Variants in SORL1 observed in about 807,000 individuals in gnomAD.
The protein encoded by SORL1 is sortilin related receptor 1.
A neutral mutation model predicts 273.7 loss-of-function variants in SORL1; 127 were observed. The ratio of observed to expected loss-of-function variants is 0.46; its 90% CI spans 0.40 to 0.54. The LOEUF (loss-of-function observed/expected upper bound fraction) is 0.54. SORL1 is among the 20% of genes least tolerant of loss of function. The probability of loss-of-function intolerance (pLI) is 0.00; values close to 1 mark genes in which losing one functional copy is unlikely to be tolerated. For missense variants in SORL1, 2,494 were observed against 2,846.1 expected, an observed-to-expected ratio of 0.88 and a Z score of 2.81; for synonymous variants, 1,031 against 1,067.4, an observed-to-expected ratio of 0.97 and a Z score of 0.66.
chr11:121,597,679 C>T (rs1333544163), intron 32 of SORL1, among the ~76,000 whole-genome samples: 3 of 152,126 alleles, frequency 2.0e-5, no homozygotes, highest in South Asian at 2.1e-4. Context: ...AGGCTGGTCT[C>T]GAACTCCTGA....
intron 6 of SORL1, among the ~76,000 whole-genome samples, chr11:121,507,977 C>G (rs1055658540): frequency 2.0e-5 from 3 of 152,096 alleles, no homozygotes; most frequent in Non-Finnish European, 4.4e-5. Flanking sequence ...TATTGTTGTT[C>G]AGGGAGTTTC....
chr11:121,507,507 A>G (rs146372733), intron 6 of SORL1, among the ~76,000 whole-genome samples: 2 of 152,090 alleles, frequency 1.3e-5, no homozygotes, highest in African/African-American at 4.8e-5. Context: ...ACATGTCTTA[A>G]AGTTCACTGC....
intron 8 of SORL1, among the ~76,000 whole-genome samples, chr11:121,519,049 G>A (rs1591309332): frequency 6.6e-6 from 1 of 150,978 alleles, no homozygotes; most frequent in African/African-American, 2.4e-5. Context: ...CCGGGTTCAA[G>A]CGATTCTCCT....
intron 2 of SORL1, among the ~76,000 whole-genome samples, 184 bp downstream of exon 2, chr11:121,470,307 T>G (rs1467372482): frequency 6.6e-6 from 1 of 152,206 alleles, no homozygotes; most frequent in Non-Finnish European, 1.5e-5. Context: ...GGAGGTGCAG[T>G]CAGTGTTGCA....
At chr11:121,521,120 T>C (rs1862036834) in intron 9 of SORL1, among the ~76,000 whole-genome samples, 1 of 152,022 alleles carries the variant, frequency 6.6e-6, no homozygotes, top group Non-Finnish European at 1.5e-5. Flanking sequence ...AGTTAGACCA[T>C]TACTTGGTCT....
intron 41 of SORL1, 53 bp downstream of exon 41, chr11:121,615,108 C>G: frequency 1.4e-6 from 2 of 1,410,910 alleles, no homozygotes; most frequent in Non-Finnish European, 1.9e-6. Context: ...TCCCCTAATG[C>G]TACGCCACCA....
In SORL1 at chr11:121,619,897, G is replaced by C. The variant is rs760320273; in HGVS notation, c.5869G>C (p.Asp1957His). ...GGTCATCAAGTGGGAATCACCGTAT[G>C]ACTCTCCTGACCAGGACTTGGTGAG... ...SVVIKWESPY[D>H]SPDQDLLYAV... is the part of the protein sequence containing the mutation. The change falls in exon 43 of 48, where the codon GAC becomes CAC. Residue 1957 changes from aspartate (D) to histidine (H), a missense_variant. Asp to His is a moderately conservative substitution (Grantham distance 81). This residue lies in a region of SORL1 where 1,609 missense variants were observed against 1,816.4 expected (regional missense o/e 0.89). Transcript: ENST00000260197. 8 of 1,613,924 alleles carry C rather than the reference G, an allele frequency of 5.0e-6. No homozygotes were observed. The highest frequency in any genetic ancestry group is 1.7e-4 in the Middle Eastern group (1 of 5,916).
At chr11:121,469,794 A>AT (rs1367917732) in intron 1 of SORL1, among the ~76,000 whole-genome samples, 2 of 152,230 alleles carry the variant, frequency 1.3e-5, no homozygotes, top group Non-Finnish European at 2.9e-5. Flanking sequence ...ATCTCTTTAC[A>AT]TCCAAAATAG....
At chr11:121,459,368 A>G (rs1278487477) in intron 1 of SORL1, among the ~76,000 whole-genome samples, 1 of 152,132 alleles carries the variant, frequency 6.6e-6, no homozygotes, top group Non-Finnish European at 1.5e-5. Flanking sequence ...GGCAGGGCAA[A>G]CAGGGCAATA....
At chr11:121,604,396 G>T (rs762490545) in intron 33 of SORL1, 72 bp downstream of exon 33, 1 of 1,563,630 alleles carries the variant, frequency 6.4e-7, no homozygotes, top group Non-Finnish European at 8.7e-7. Flanking sequence ...GGCCCCTCCT[G>T]TGTAGACCTT....
intron 3 of SORL1, among the ~76,000 whole-genome samples, chr11:121,478,813 T>G (rs1369897259): frequency 6.6e-6 from 1 of 151,078 alleles, no homozygotes; most frequent in Non-Finnish European, 1.5e-5. Context: ...TGTGTGTGCT[T>G]GTGTGCGTGT....
intron 8 of SORL1, among the ~76,000 whole-genome samples, chr11:121,518,781 C>A (rs945118400): frequency 6.6e-6 from 1 of 152,112 alleles, no homozygotes; most frequent in Non-Finnish European, 1.5e-5. Context: ...CCTTTTCCTG[C>A]CTCAGAGGTT....
At chr11:121,472,968 G>A (rs28618299) in intron 2 of SORL1, among the ~76,000 whole-genome samples, 112 of 145,106 alleles carry the variant, frequency 7.7e-4, no homozygotes, top group East Asian at 2.0e-3. Flanking sequence ...TCTCAAAAAA[G>A]AAAAAAAAAA....
At chr11:121,537,314 T>C (rs2134877943) in intron 12 of SORL1, among the ~76,000 whole-genome samples, 1 of 152,270 alleles carries the variant, frequency 6.6e-6, no homozygotes, top group Admixed American at 6.5e-5. Context: ...ACTTGCATTA[T>C]AGAATGATGG....
Position 121,476,097 on chromosome 11 carries a change from T to TG in SORL1, c.403-2015dup, listed in dbSNP as rs532986972. Among the ~76,000 whole-genome samples the TG allele has an allele frequency of 2.4e-4, 36 of 152,294 alleles. No homozygotes were observed. In the East Asian group the frequency reaches 6.4e-3, roughly 27 times the overall value. On this transcript the variant is annotated intron_variant, in intron 2 of 47. Coordinates refer to ENST00000260197, the MANE Select transcript of SORL1 (RefSeq NM_003105.6). Reference sequence around the variant, plus strand: ...ACCTTTGTGCCCCTGAAGATATACGTGGGGGGTTATCAAATTATGGGATGT... The same window carrying TG: ...ACCTTTGTGCCCCTGAAGATATACGTGGGGGGGTTATCAAATTATGGGATGT...
chr11:121,471,612 C>T (rs1025182945), intron 2 of SORL1, among the ~76,000 whole-genome samples: 3 of 152,236 alleles, frequency 2.0e-5, no homozygotes, highest in African/African-American at 4.8e-5. Flanking sequence ...CACTTTCACA[C>T]TAGCCTTAAG....
chr11:121,606,614 T>C (rs1337573139), intron 35 of SORL1, among the ~76,000 whole-genome samples: 5 of 152,102 alleles, frequency 3.3e-5, no homozygotes, highest in African/African-American at 1.2e-4. Context: ...GAGCCACAAA[T>C]TTACCACACA....
intron 31 of SORL1, among the ~76,000 whole-genome samples, chr11:121,592,258 T>C (rs951542035): frequency 1.3e-5 from 2 of 152,230 alleles, no homozygotes; most frequent in Admixed American, 6.5e-5. Context: ...AACAGAAGCA[T>C]GGATTTTATA....
intron 32 of SORL1, 34 bp from the exon 33 acceptor site, chr11:121,604,158 TC>T (rs1565351487): frequency 6.2e-7 from 1 of 1,611,482 alleles, no homozygotes; most frequent in Admixed American, 1.7e-5. Context: ...ATACGGCCCC[TC>T]CCCGTGGACT....
Sources: gnomAD v4.1 joint callset for allele counts (sites outside exome capture counted in the v4.1 genomes callset) on GRCh38, gnomAD v4.1.1 for gene constraint, gnomAD v4.1.1 regional missense constraint, MANE v1.5 for transcripts, NCBI Gene and HGNC (gene_info 2026-07-23, HGNC 2026-07-21) for gene names.